Variants in PRKAG2 observed in about 807,000 individuals in gnomAD.
PRKAG2 encodes the protein 5'-AMP-activated protein kinase subunit gamma-2.
In PRKAG2, 26 loss-of-function variants were observed where a neutral mutation model predicts 69.6. The observed-to-expected ratio is 0.37, with a 90% CI of 0.27 to 0.52. The LOEUF is 0.52. Ranked by LOEUF, PRKAG2 falls within the 20% of genes least tolerant of loss-of-function variation. PRKAG2 has a pLI of 0.90. For synonymous variants in PRKAG2, 293 were observed against 285.0 expected (o/e 1.03, Z -0.28); for missense variants, 557 against 740.0 (o/e 0.75, Z 2.87).
intron 3 of PRKAG2, among the ~76,000 whole-genome samples, chr7:151,694,139 A>T (rs551892188): frequency 3.9e-5 from 6 of 152,104 alleles, no homozygotes; most frequent in African/African-American, 1.4e-4. Context: ...CTCCCAAAGT[A>T]TTGGGATTAC....
intron 3 of PRKAG2, among the ~76,000 whole-genome samples, chr7:151,726,420 G>C: frequency 7.5e-6 from 1 of 133,402 alleles, no homozygotes; most frequent in South Asian, 2.9e-4. Flanking sequence ...ACACAGAGCT[G>C]ATGCCACATT....
At chr7:151,860,631 T>A (rs2079894837) in intron 1 of PRKAG2, among the ~76,000 whole-genome samples, 1 of 152,062 alleles carries the variant, frequency 6.6e-6, no homozygotes, top group Non-Finnish European at 1.5e-5. Flanking sequence ...GAGTGTTCTC[T>A]AAAAGCCCCA....
rs144356093 is a variant in PRKAG2, at chr7:151,869,729, G to A, written c.114+6778C>T. Among the ~76,000 whole-genome samples, 459 of 152,358 alleles carry A rather than the reference G, an allele frequency of 3.0e-3. 6 individuals are homozygous for A. The highest frequency in any genetic ancestry group is 0.01 in the African/African-American group (432 of 41,582). On this transcript the variant is annotated intron_variant, in intron 1 of 15. Coordinates refer to ENST00000287878, the MANE Select transcript of PRKAG2 (RefSeq NM_016203.4). ...AAGCGGCATTGGGCCAATGTGCCGT[G>A]CCCCACTGAGGACGACCCTCGCTGA...
At chr7:151,650,950 C>A (rs1828394113) in intron 4 of PRKAG2, among the ~76,000 whole-genome samples, 2 of 152,134 alleles carry the variant, frequency 1.3e-5, no homozygotes, top group South Asian at 2.1e-4. Context: ...TTTTAAAACC[C>A]TGAAAAATTG....
intron 3 of PRKAG2, among the ~76,000 whole-genome samples, chr7:151,741,851 G>C (rs1339959068): frequency 6.6e-6 from 1 of 152,200 alleles, no homozygotes; most frequent in African/African-American, 2.4e-5. Flanking sequence ...GGCAGTTGTT[G>C]ATTGAAGGGA....
chr7:151,855,755 G>A (rs2079758863), intron 1 of PRKAG2, among the ~76,000 whole-genome samples: 1 of 152,176 alleles, frequency 6.6e-6, no homozygotes, highest in Non-Finnish European at 1.5e-5. Flanking sequence ...GCAGAGGGGT[G>A]GGGGCGGCAG....
At chr7:151,608,776 T>C (rs1818093477) in intron 5 of PRKAG2, among the ~76,000 whole-genome samples, 1 of 151,048 alleles carries the variant, frequency 6.6e-6, no homozygotes, top group Non-Finnish European at 1.5e-5. Context: ...CTTTATAAGA[T>C]TAAAGGATTA....
chr7:151,567,103 G>T lies in PRKAG2; in HGVS notation c.1234-1218C>A, dbSNP rs1304091422. On this transcript the variant is annotated intron_variant, in intron 11 of 15. Coordinates refer to ENST00000287878, the MANE Select transcript of PRKAG2 (RefSeq NM_016203.4). The surrounding 1 kb of genome is among the most constrained non-coding windows in gnomAD (Gnocchi z 4.2). ...CACTAGCAGAAATAGTTTGGGCTTG[G>T]GAGTCAGAGAGACTCCCGGGTTTGC... Among the ~76,000 whole-genome samples, 1 of 152,102 alleles carries T rather than the reference G, an allele frequency of 6.6e-6. No individual in the cohort carries two copies. Among genetic ancestry groups the T allele is most frequent in the Non-Finnish European group, 1.5e-5 (1 of 68,014 alleles).
At chr7:151,690,802 C>T (rs1835544950) in intron 3 of PRKAG2, among the ~76,000 whole-genome samples, 1 of 152,204 alleles carries the variant, frequency 6.6e-6, no homozygotes, top group African/African-American at 2.4e-5. Context: ...CCTTTTCATG[C>T]ACTTAGCACA....
chr7:151,559,885 C>G (rs930484997), intron 15 of PRKAG2: 45 of 985,124 alleles, frequency 4.6e-5, no homozygotes, highest in African/African-American at 1.7e-5. Flanking sequence ...TTTAAGAACT[C>G]TCAAGCCCAC....
intron 6 of PRKAG2, among the ~76,000 whole-genome samples, chr7:151,592,037 C>A (rs1271930780): frequency 1.3e-5 from 2 of 152,154 alleles, no homozygotes; most frequent in Admixed American, 1.3e-4. Flanking sequence ...CCCTCTCTCG[C>A]CAGGCCGAGA....
chr7:151,724,785 G>A lies in PRKAG2; in HGVS notation c.467-49148C>T, dbSNP rs182458450. 2.6e-5 allele frequency among the ~76,000 whole-genome samples: 4 copies of A among 151,998 alleles called. No individual in the cohort carries two copies. The East Asian group carries it at 5.8e-4, about 22-fold the overall frequency. On this transcript the variant is annotated intron_variant, in intron 3 of 15. Coordinates refer to ENST00000287878, the MANE Select transcript of PRKAG2 (RefSeq NM_016203.4). ...CCCTCCTGCTAGGGCTCCAAGTGCCGACTTGCAGAGGCCTCGGGAGTGACA... is the reference window on the plus strand; with the variant it reads ...CCCTCCTGCTAGGGCTCCAAGTGCCAACTTGCAGAGGCCTCGGGAGTGACA...
At chr7:151,736,301 A>G in intron 3 of PRKAG2, 1 of 1,204,476 alleles carries the variant, frequency 8.3e-7, no homozygotes, top group South Asian at 2.6e-5. Context: ...AAGTAGCAAG[A>G]AGCTGCCGGA....
intron 3 of PRKAG2, among the ~76,000 whole-genome samples, chr7:151,694,270 A>G (rs1053315145): frequency 1.3e-5 from 2 of 152,254 alleles, no homozygotes; most frequent in Admixed American, 6.5e-5. Flanking sequence ...TGATCCAAAC[A>G]GTCCACTCTT....
intron 3 of PRKAG2, among the ~76,000 whole-genome samples, chr7:151,705,766 A>T (rs73158180): frequency 2.0e-5 from 3 of 151,964 alleles, no homozygotes; most frequent in Admixed American, 6.5e-5. Flanking sequence ...TCCTAGAGCA[A>T]GAGTGTTGAC....
chr7:151,704,558 G>T (rs570679617), intron 3 of PRKAG2, among the ~76,000 whole-genome samples: 1 of 152,156 alleles, frequency 6.6e-6, no homozygotes, highest in Non-Finnish European at 1.5e-5. Context: ...CTACTCTGGG[G>T]CTATTATAAA....
At chr7:151,710,343 C>T (rs55791829) in intron 3 of PRKAG2, among the ~76,000 whole-genome samples, 1 of 152,090 alleles carries the variant, frequency 6.6e-6, no homozygotes, top group South Asian at 2.1e-4. Context: ...TCTCGCCCCC[C>T]GCCCTGAGGC....
chr7:151,591,592 C>G (rs1813150249), intron 6 of PRKAG2, among the ~76,000 whole-genome samples: 1 of 152,194 alleles, frequency 6.6e-6, no homozygotes, highest in Non-Finnish European at 1.5e-5. Flanking sequence ...ACTGCAACCA[C>G]CAGGCAGGTG....
rs754848159 is a variant in PRKAG2, at chr7:151,675,289, A to G, written c.684+131T>C. ...TCCCTCAGCCTGTGATTTATGGTAC[A>G]ATATCCTGAAGATGTCGGGAGCACA... On this transcript the variant is annotated intron_variant, in intron 4 of 15. Coordinates refer to ENST00000287878, the MANE Select transcript of PRKAG2 (RefSeq NM_016203.4). 8 of 890,778 alleles carry G rather than the reference A, an allele frequency of 9.0e-6. No homozygotes were observed. In the African/African-American group the frequency reaches 1.3e-4, roughly 15 times the overall value. The allele number at this position is 890,778 out of a possible 1,614,324, so 55.2% of individuals were successfully genotyped here.
Sources: gnomAD v4.1 joint callset for allele counts (sites outside exome capture counted in the v4.1 genomes callset) on GRCh38, gnomAD v4.1.1 for gene constraint, Gnocchi (gnomAD v3.1) non-coding constraint, MANE v1.5 for transcripts, NCBI Gene and HGNC (gene_info 2026-07-23, HGNC 2026-07-21) for gene names.